The following PPP3CA variants were observed in gnomAD, a reference collection of about 807,000 sequenced individuals.
PPP3CA encodes CAM-PRP catalytic subunit.
In PPP3CA, 14 loss-of-function variants were observed where a neutral mutation model predicts 66.5. That is an observed-to-expected ratio of 0.21 (90% CI 0.14 to 0.33). The LOEUF (loss-of-function observed/expected upper bound fraction) is 0.33, where lower values mean the gene tolerates loss of function less well. PPP3CA is among the 10% of genes least tolerant of loss of function. The pLI is 1.00. For missense variants in PPP3CA, 317 were observed against 639.5 expected, an observed-to-expected ratio of 0.50 and a Z score of 5.44; for synonymous variants, 232 against 226.2, an observed-to-expected ratio of 1.03 and a Z score of -0.23.
chr4:101,310,257 A>G (rs939733811), intron 1 of PPP3CA, among the ~76,000 whole-genome samples: 1 of 152,224 alleles, frequency 6.6e-6, no homozygotes, highest in Non-Finnish European at 1.5e-5. Context: ...GTAACCAATA[A>G]TAATGATGGT....
intron 2 of PPP3CA, among the ~76,000 whole-genome samples, chr4:101,124,715 AAG>A (rs1158982381): frequency 4.2e-4 from 37 of 88,084 alleles, no homozygotes; most frequent in African/African-American, 1.5e-3. Flanking sequence ...GAAAGAAAGA[AAG>A]AAAGAAAGAG....
chr4:101,165,832 T>C (rs560452602), intron 2 of PPP3CA, among the ~76,000 whole-genome samples: 6 of 152,128 alleles, frequency 3.9e-5, no homozygotes, highest in Admixed American at 2.0e-4. Context: ...AGATACTACA[T>C]AAAATTTTCT....
chr4:101,139,936 T>C (rs1722751611), intron 2 of PPP3CA, among the ~76,000 whole-genome samples: 1 of 152,040 alleles, frequency 6.6e-6, no homozygotes, highest in African/African-American at 2.4e-5. Context: ...CTTTTTTTTT[T>C]CCGGGTATTT....
chr4:101,343,725 T>C (rs1263106186), intron 1 of PPP3CA, among the ~76,000 whole-genome samples: 1 of 152,174 alleles, frequency 6.6e-6, no homozygotes, highest in East Asian at 1.9e-4. Context: ...CTTTCATTTT[T>C]AAGGTTTAGA....
chr4:101,043,517 T>C (rs193178087), intron 10 of PPP3CA, among the ~76,000 whole-genome samples: 3 of 149,550 alleles, frequency 2.0e-5, no homozygotes, highest in Admixed American at 6.7e-5. Context: ...GTGCTCCCCA[T>C]AAATAGTGAA....
chr4:101,280,056 C>A (rs1165809579), intron 1 of PPP3CA, among the ~76,000 whole-genome samples: 10 of 152,152 alleles, frequency 6.6e-5, no homozygotes, highest in Non-Finnish European at 1.5e-4. Flanking sequence ...TAATTGAGCA[C>A]TTACTATGGA....
chr4:101,036,288 T>C (rs546821217), intron 11 of PPP3CA, among the ~76,000 whole-genome samples: 5 of 152,348 alleles, frequency 3.3e-5, no homozygotes, highest in East Asian at 1.9e-4. Flanking sequence ...TGGAAAGCAA[T>C]GTTCTGAAGA....
At chr4:101,039,866 TTAAAG>T (rs1477080824) in intron 11 of PPP3CA, among the ~76,000 whole-genome samples, 2 of 144,736 alleles carry the variant, frequency 1.4e-5, no homozygotes, top group Non-Finnish European at 3.1e-5. Flanking sequence ...ATATCATATT[TTAAAG>T]TAATCTTTTG....
intron 2 of PPP3CA, among the ~76,000 whole-genome samples, chr4:101,151,521 T>G (rs1723136771): frequency 6.9e-6 from 1 of 144,426 alleles, no homozygotes; most frequent in African/African-American, 2.6e-5. Context: ...ATTGCACCAC[T>G]GCACTCCAAC....
At chr4:101,181,870 G>A (rs566272872) in intron 2 of PPP3CA, among the ~76,000 whole-genome samples, 1 of 152,156 alleles carries the variant, frequency 6.6e-6, no homozygotes, top group African/African-American at 2.4e-5. Context: ...TTATAACCAT[G>A]AGCACTAGGA....
chr4:101,177,769 A>G (rs1724108651), intron 2 of PPP3CA, among the ~76,000 whole-genome samples: 1 of 152,026 alleles, frequency 6.6e-6, no homozygotes, highest in Non-Finnish European at 1.5e-5. Context: ...ATATGAAGTA[A>G]GTACTGAATA....
intron 10 of PPP3CA, among the ~76,000 whole-genome samples, chr4:101,049,296 G>C (rs990888735): frequency 2.0e-5 from 3 of 151,994 alleles, no homozygotes; most frequent in South Asian, 2.1e-4. Context: ...ACTTTCCATT[G>C]ATTTTTCAAG....
At chr4:101,231,220 C>T (rs1420462652) in intron 1 of PPP3CA, among the ~76,000 whole-genome samples, 4 of 151,708 alleles carry the variant, frequency 2.6e-5, no homozygotes, top group Non-Finnish European at 3.0e-5. Context: ...CACCAAGCAA[C>T]TGGAGACAAC....
In PPP3CA at chr4:101,032,350, C is replaced by T. The variant is rs1303693414; in HGVS notation, c.1256G>A (p.Ser419Asn). Residue 419 changes from serine (S) to asparagine (N), a missense_variant, in exon 12 of 14, where the codon AGT becomes AAT. This residue lies in a region of PPP3CA where 201 missense variants were observed against 501.4 expected (regional missense o/e 0.40). Transcript: ENST00000394854. ...VFSVLREESESVLTLKGLTPT... is the reference protein window; with the variant it reads ...VFSVLREESENVLTLKGLTPT... ...GGTCAAGCCTTTCAGCGTCAGCACA[C>T]TCTCACTCTCTTCTCTGGAAGGCAC... 5.0e-6 allele frequency: 8 copies of T among 1,613,142 alleles called. No homozygotes were observed. The highest frequency in any genetic ancestry group is 6.8e-6 in the Non-Finnish European group (8 of 1,179,560).
intron 10 of PPP3CA, among the ~76,000 whole-genome samples, chr4:101,054,157 T>C (rs1728127724): frequency 6.6e-6 from 1 of 150,860 alleles, no homozygotes; most frequent in African/African-American, 2.4e-5. Context: ...ATTAATATAT[T>C]CCCCCTAAAC....
chr4:101,241,282 A>G (rs1726300849), intron 1 of PPP3CA, among the ~76,000 whole-genome samples: 1 of 152,174 alleles, frequency 6.6e-6, no homozygotes, highest in Admixed American at 6.5e-5. Flanking sequence ...TCTATAAACC[A>G]GCAATATCAT....
chr4:101,225,425 G>A (rs935056922), intron 1 of PPP3CA, among the ~76,000 whole-genome samples: 9 of 151,706 alleles, frequency 5.9e-5, no homozygotes, highest in Admixed American at 1.3e-4. Flanking sequence ...CTCGTGATCT[G>A]GAACAACAGT....
At chr4:101,251,824 A>G (rs2583405) in intron 1 of PPP3CA, among the ~76,000 whole-genome samples, 51,006 of 152,092 alleles carry the variant, frequency 0.34, 9,479 homozygotes, top group East Asian at 0.67. Flanking sequence ...TGAAGGCAAA[A>G]AGTAAAACAA....
intron 5 of PPP3CA, among the ~76,000 whole-genome samples, chr4:101,095,006 T>G (rs931977358): frequency 6.6e-6 from 1 of 151,952 alleles, no homozygotes; most frequent in African/African-American, 2.4e-5. Context: ...ACATACAAGA[T>G]GTAAGTAATG....
Sources: gnomAD v4.1 joint callset for allele counts (sites outside exome capture counted in the v4.1 genomes callset) on GRCh38, gnomAD v4.1.1 for gene constraint, gnomAD v4.1.1 regional missense constraint, MANE v1.5 for transcripts, NCBI Gene and HGNC (gene_info 2026-07-23, HGNC 2026-07-21) for gene names.